The following CFAP47 variants were observed in gnomAD, a reference collection of about 807,000 sequenced individuals.
The protein encoded by CFAP47 is cilia and flagella associated protein 47, also known as cilia- and flagella-associated protein 47.
CFAP47 carries 29 observed loss-of-function variants against 148.1 expected under a neutral mutation model. That is an observed-to-expected ratio of 0.20 (90% CI 0.15 to 0.27). CFAP47 has a LOEUF of 0.27. Among genes scored for constraint, CFAP47 ranks in the 10% least tolerant of loss-of-function variants. The pLI is 1.00. For synonymous variants in CFAP47, 664 were observed against 577.3 expected, an observed-to-expected ratio of 1.15 and a Z score of -2.15; for missense variants, 1,872 against 1,697.5, an observed-to-expected ratio of 1.10 and a Z score of -1.81.
intron 2 of CFAP47, among the ~76,000 whole-genome samples, chrX:35,938,607 T>C (rs1358381001): frequency 1.8e-5 from 2 of 111,656 alleles, no homozygotes; most frequent in Non-Finnish European, 1.9e-5. Context: ...TAGATACTTA[T>C]TGCTTATGTG....
intron 32 of CFAP47, among the ~76,000 whole-genome samples, chrX:36,103,553 G>T (rs1237459321): frequency 5.3e-5 from 5 of 94,423 alleles, no homozygotes; most frequent in Admixed American, 4.9e-4. Flanking sequence ...GAGACTTACA[G>T]GTTTTCACAA....
Position 35,989,354 on chromosome X carries a change from G to T in CFAP47, c.2749G>T (p.Val917Leu), listed in dbSNP as rs762468912. ...VEAYSSLECE[V>L]TWQQGFSSPE... ...AGCATATTCCTCACTGGAATGTGAAGTAACTTGGCAGCAGGGCTTCAGTTC... is the reference window on the plus strand; with the variant it reads ...AGCATATTCCTCACTGGAATGTGAATTAACTTGGCAGCAGGGCTTCAGTTC... The change falls in exon 16 of 64, where the codon GTA (valine) becomes TTA (leucine). Residue 917 changes from valine to leucine, a missense_variant. By Grantham distance (32) the Val-to-Leu change is conservative. Transcript: ENST00000378653. 8 of 1,210,607 alleles carry T rather than the reference G, an allele frequency of 6.6e-6. No individual in the cohort carries two copies. Among genetic ancestry groups the T allele is most frequent in the Non-Finnish European group, 8.9e-6 (8 of 894,377 alleles).
At chrX:36,113,073 G>T (rs1938580422) in intron 33 of CFAP47, among the ~76,000 whole-genome samples, 2 of 111,650 alleles carry the variant, frequency 1.8e-5, no homozygotes, top group Admixed American at 9.5e-5. Flanking sequence ...TTTAATTGGG[G>T]CGTATAGCCC....
In CFAP47 at chrX:35,975,198, A is replaced by G; in HGVS notation, c.2306A>G (p.His769Arg). 1.7e-6 allele frequency: 2 copies of G among 1,200,613 alleles called. No individual in the cohort carries two copies. Among genetic ancestry groups the G allele is most frequent in the South Asian group, 1.8e-5 (1 of 56,583 alleles). Residue 769 changes from histidine (H) to arginine (R), a missense_variant, in exon 14 of 64, where the codon CAT (histidine) becomes CGT (arginine). Transcript: ENST00000378653. ...ATTTGTGTGAACTCTCCAAATACTC[A>G]TCTACTTCATGTTATTAATATGCTA... ...GNICVNSPNT[H>R]LLHVINMLPM...
chrX:36,009,838 A>G (rs1235682479), intron 21 of CFAP47, among the ~76,000 whole-genome samples: 1 of 112,025 alleles, frequency 8.9e-6, no homozygotes, highest in Non-Finnish European at 1.9e-5. Flanking sequence ...GATTGTCAGC[A>G]CTGAGTTTAT....
intron 40 of CFAP47, among the ~76,000 whole-genome samples, chrX:36,184,672 G>T (rs782759960): frequency 8.9e-6 from 1 of 112,260 alleles, no homozygotes; most frequent in Non-Finnish European, 1.9e-5. Flanking sequence ...AGTGGCTCAT[G>T]CCTGTAATCC....
chrX:36,023,912 G>A (rs1937187847), intron 22 of CFAP47, among the ~76,000 whole-genome samples: 2 of 112,349 alleles, frequency 1.8e-5, no homozygotes, highest in South Asian at 7.4e-4. Context: ...GCCAAGTTCT[G>A]GAATTGGGAA....
At chrX:35,959,617 A>G (rs1289637367) in intron 8 of CFAP47, among the ~76,000 whole-genome samples, 1 of 110,954 alleles carries the variant, frequency 9.0e-6, no homozygotes, top group South Asian at 3.8e-4. Context: ...GACCAGCCTG[A>G]CCAATGTGGT....
In CFAP47 at chrX:36,112,867, C is replaced by G. The variant is rs768165589; in HGVS notation, c.5320+8176C>G. Among the ~76,000 whole-genome samples, 8 of 111,881 alleles carry G rather than the reference C, an allele frequency of 7.2e-5. No homozygotes were observed. In the East Asian group the frequency reaches 2.3e-3, roughly 32 times the overall value. On this transcript the variant is annotated intron_variant, in intron 33 of 63. Coordinates refer to ENST00000378653, the MANE Select transcript of CFAP47 (RefSeq NM_001304548.2). ...ACCATTATGTAATGCCCTTCCTTGT[C>G]TCTTTTGATCTGCTTTGGTTTTGTC... is the stretch of plus-strand genomic sequence containing the variant.
chrX:36,230,917 T>C (rs1166391576), intron 46 of CFAP47, among the ~76,000 whole-genome samples: 1 of 105,366 alleles, frequency 9.5e-6, no homozygotes, highest in African/African-American at 3.7e-5. Context: ...GATCAGATAG[T>C]TGTAGATATG....
At chrX:35,929,646 G>A (rs1935795735) in intron 2 of CFAP47, among the ~76,000 whole-genome samples, 1 of 110,796 alleles carries the variant, frequency 9.0e-6, no homozygotes, top group East Asian at 2.8e-4. Flanking sequence ...AAAAGCATAT[G>A]CTTTTTACCT....
At chrX:36,137,633 TAAACATTTGAACCTC>T (rs1169848008) in intron 33 of CFAP47, among the ~76,000 whole-genome samples, 1 of 110,914 alleles carries the variant, frequency 9.0e-6, no homozygotes, top group Non-Finnish European at 1.9e-5. Flanking sequence ...GATCATTGAT[TAAACATTTGAACCTC>T]AAGGTACTCA....
chrX:36,319,475 C>T (rs1941461335), intron 57 of CFAP47, among the ~76,000 whole-genome samples, 168 bp downstream of exon 57: 1 of 105,365 alleles, frequency 9.5e-6, no homozygotes, highest in African/African-American at 3.4e-5. Context: ...GATGGTAAAA[C>T]ATATATATAT....
chrX:36,350,010 C>A (rs1556017198), intron 58 of CFAP47, 28 bp from the exon 59 acceptor site: 2 of 912,185 alleles, frequency 2.2e-6, no homozygotes, highest in South Asian at 4.9e-5. Flanking sequence ...TCCTTTTGTT[C>A]CCTCTTAATA....
intron 33 of CFAP47, among the ~76,000 whole-genome samples, chrX:36,128,606 C>A (rs766573309): frequency 1.8e-5 from 2 of 110,352 alleles, no homozygotes; most frequent in African/African-American, 6.6e-5. Flanking sequence ...TTTGTATAAT[C>A]TTAAACAGAG....
chrX:36,013,689 A>G (rs1478966310), intron 21 of CFAP47, among the ~76,000 whole-genome samples: 2 of 111,346 alleles, frequency 1.8e-5, no homozygotes, highest in African/African-American at 6.5e-5. Context: ...TCTGAATTTG[A>G]CTCCATAATT....
intron 45 of CFAP47, 42 bp downstream of exon 45, chrX:36,205,152 A>T: frequency 3.4e-6 from 1 of 295,065 alleles, no homozygotes; most frequent in Non-Finnish European, 5.9e-6. Context: ...GTGTTCCGGG[A>T]ATGATGATGT....
intron 60 of CFAP47, among the ~76,000 whole-genome samples, chrX:36,360,362 G>C (rs187884424): frequency 9.0e-6 from 1 of 111,575 alleles, no homozygotes; most frequent in South Asian, 3.8e-4. Flanking sequence ...AGGCAGATCT[G>C]GGGCCATGAC....
chrX:35,955,299 G>A (rs2146646790), intron 7 of CFAP47, among the ~76,000 whole-genome samples: 1 of 112,055 alleles, frequency 8.9e-6, no homozygotes, highest in Non-Finnish European at 1.9e-5. Context: ...AAAACTTAGA[G>A]TCATCCTTTA....
Sources: gnomAD v4.1 joint callset for allele counts (sites outside exome capture counted in the v4.1 genomes callset) on GRCh38, gnomAD v4.1.1 for gene constraint, MANE v1.5 for transcripts, NCBI Gene and HGNC (gene_info 2026-07-23, HGNC 2026-07-21) for gene names.